TNRC6B: variants seen among roughly 807,000 people sequenced by gnomAD.
TNRC6B encodes the protein trinucleotide repeat-containing gene 6B protein.
A neutral mutation model predicts 203.6 loss-of-function variants in TNRC6B; 52 were observed. That is an observed-to-expected ratio of 0.26 (90% confidence interval 0.20 to 0.32). The LOEUF is 0.32. Among genes scored for constraint, TNRC6B ranks in the 10% least tolerant of loss-of-function variants. The probability of loss-of-function intolerance (pLI) is 1.00; values close to 1 mark genes in which losing one functional copy is unlikely to be tolerated. For synonymous variants in TNRC6B, 838 were observed against 845.7 expected (o/e 0.99, Z 0.16); for missense variants, 1,923 against 2,286.2 (o/e 0.84, Z 3.24).
At chr22:40,268,577 A>G (rs1419624566) in intron 5 of TNRC6B, among the ~76,000 whole-genome samples, 1 of 152,200 alleles carries the variant, frequency 6.6e-6, no homozygotes, top group Non-Finnish European at 1.5e-5. Flanking sequence ...TCCACATAGC[A>G]AAAACCTTCA....
chr22:40,139,140 A>G (rs767133597), intron 3 of TNRC6B, among the ~76,000 whole-genome samples: 17 of 152,024 alleles, frequency 1.1e-4, no homozygotes, highest in Non-Finnish European at 2.2e-4. Flanking sequence ...TAATCTTTCC[A>G]TCTCTACAGA....
intron 1 of TNRC6B, among the ~76,000 whole-genome samples, chr22:40,053,052 C>G (rs764248750): frequency 6.6e-6 from 1 of 151,028 alleles, no homozygotes; most frequent in African/African-American, 2.4e-5. Context: ...CTCTGAATGT[C>G]GATTTGTGCT....
At chr22:40,130,160 G>A (rs1461920826) in intron 3 of TNRC6B, among the ~76,000 whole-genome samples, 1 of 152,158 alleles carries the variant, frequency 6.6e-6, no homozygotes, top group Non-Finnish European at 1.5e-5. Flanking sequence ...TGAGAAAAGA[G>A]GGAAGAAATG....
Position 40,163,480 on chromosome 22 carries a change from A to AAAAAAAAAAC in TNRC6B, c.113+7298_113+7299insAAAAAAAAAC, listed in dbSNP as rs568063097. ...TCAAAAAAAAAAAAAAAAAAAAAAAAGGCCAGGCACGGTGGCTCACGCCTG... is the reference window on the plus strand; with the variant it reads ...TCAAAAAAAAAAAAAAAAAAAAAAAAAAAAAAAAACGGCCAGGCACGGTGGCTCACGCCTG... On this transcript the variant is annotated intron_variant, in intron 4 of 23. Transcript: ENST00000301923. Among the ~76,000 whole-genome samples, 11 of 66,222 alleles carry AAAAAAAAAAC rather than the reference A, an allele frequency of 1.7e-4. 3 individuals carry two copies. The highest frequency in any genetic ancestry group is 1.1e-3 in the East Asian group (3 of 2,766). The allele number at this position is 66,222 out of a possible 152,430, so 43.4% of individuals were successfully genotyped here.
At chr22:40,303,622 A>G (rs934624521) in intron 15 of TNRC6B, among the ~76,000 whole-genome samples, 31 of 152,100 alleles carry the variant, frequency 2.0e-4, no homozygotes, top group Non-Finnish European at 3.4e-4. Flanking sequence ...TTCACTTACA[A>G]TTTTCCTGTC....
chr22:40,125,788 T>G (rs776005677), exon 3 of TNRC6B: 12 of 1,603,594 alleles, frequency 7.5e-6, no homozygotes, highest in Non-Finnish European at 1.0e-5. Context: ...TTTTTGTGTT[T>G]CTGCAGAGTT....
intron 1 of TNRC6B, among the ~76,000 whole-genome samples, chr22:40,227,174 G>A (rs2069800455): frequency 6.9e-6 from 1 of 145,236 alleles, no homozygotes. Flanking sequence ...TCAAACTCCT[G>A]ACCTCAAGTG....
At chr22:40,154,894 T>C (rs1278566996) in intron 3 of TNRC6B, among the ~76,000 whole-genome samples, 29 of 38,188 alleles carry the variant, frequency 7.6e-4, no homozygotes, top group African/African-American at 1.3e-3. Context: ...TATATATATA[T>C]ACATATATAT....
chr22:40,304,102 C>G (rs62239066), intron 15 of TNRC6B, among the ~76,000 whole-genome samples: 1 of 152,148 alleles, frequency 6.6e-6, no homozygotes, highest in Non-Finnish European at 1.5e-5. Context: ...AATGAACAGT[C>G]TTTCAGTTTT....
chr22:40,178,835 T>C (rs1021892850), intron 1 of TNRC6B, among the ~76,000 whole-genome samples: 2 of 152,208 alleles, frequency 1.3e-5, no homozygotes, highest in Non-Finnish European at 2.9e-5. Context: ...GATGCGCTTT[T>C]ATTTTGATCC....
intron 4 of TNRC6B, among the ~76,000 whole-genome samples, chr22:40,165,654 A>C (rs891008958): frequency 1.3e-5 from 2 of 152,214 alleles, no homozygotes; most frequent in Non-Finnish European, 2.9e-5. Flanking sequence ...TCACACATCC[A>C]CATGGCTGAG....
At chr22:40,055,521 T>TA (rs1054286174) in intron 1 of TNRC6B, among the ~76,000 whole-genome samples, 13 of 152,220 alleles carry the variant, frequency 8.5e-5, no homozygotes, top group Non-Finnish European at 5.9e-5. Context: ...CTCAGCCTCT[T>TA]ACTCCACTGC....
Position 40,098,384 on chromosome 22 carries a change from C to CAAAAAAAAA in TNRC6B, c.-120-18654_-120-18646dup, listed in dbSNP as rs1056495905. Among the ~76,000 whole-genome samples the CAAAAAAAAA allele has an allele frequency of 1.4e-4, 7 of 51,488 alleles. 1 individual carries two copies. Among genetic ancestry groups the CAAAAAAAAA allele is most frequent in the African/African-American group, 4.6e-4 (7 of 15,316 alleles). The allele number at this position is 51,488 out of a possible 152,430, so 33.8% of individuals were successfully genotyped here. A position where few individuals can be genotyped will look rare whatever the true frequency, so the allele number is the denominator to read the frequency against. ...TGGGCAACAGAGCGAGACTCCGTCTCAAAAAAAAAAAAAAAAAAAAAAAAA... is the reference window on the plus strand; with the variant it reads ...TGGGCAACAGAGCGAGACTCCGTCTCAAAAAAAAAAAAAAAAAAAAAAAAAAAAAAAAAA... On this transcript the variant is annotated intron_variant, in intron 1 of 23. Transcript: ENST00000301923.
At chr22:40,142,510 T>C (rs1425145722) in intron 3 of TNRC6B, among the ~76,000 whole-genome samples, 1 of 152,114 alleles carries the variant, frequency 6.6e-6, no homozygotes, top group East Asian at 1.9e-4. Flanking sequence ...AAAATAACAA[T>C]AACAATTCTT....
chr22:40,162,441 A>T (rs1479780780), intron 4 of TNRC6B, among the ~76,000 whole-genome samples: 1 of 152,192 alleles, frequency 6.6e-6, no homozygotes, highest in Non-Finnish European at 1.5e-5. Flanking sequence ...ATTAGGCACT[A>T]AACTTTCTGG....
chr22:40,322,733 A>C, intron 22 of TNRC6B, 121 bp from the exon 23 acceptor site: 1 of 1,203,374 alleles, frequency 8.3e-7, no homozygotes. Flanking sequence ...AAAAGCGTTC[A>C]TGGATATGGC....
chr22:40,045,733 G>A (rs1415940822), intron 1 of TNRC6B: 1 of 152,214 alleles, frequency 6.6e-6, no homozygotes, highest in Non-Finnish European at 1.5e-5. Context: ...CCAGACTACC[G>A]GTTTATTCGG....
intron 3 of TNRC6B, among the ~76,000 whole-genome samples, chr22:40,129,675 T>C (rs1011771925): frequency 3.9e-5 from 6 of 152,150 alleles, no homozygotes; most frequent in African/African-American, 1.4e-4. Flanking sequence ...GAGAAAACTT[T>C]CTAGGGGGTG....
intron 1 of TNRC6B, among the ~76,000 whole-genome samples, chr22:40,055,185 C>G (rs2067783079): frequency 6.6e-6 from 1 of 152,092 alleles, no homozygotes; most frequent in Non-Finnish European, 1.5e-5. Context: ...AATGCACAGC[C>G]AGGTGGGTGA....
Sources: allele counts gnomAD v4.1 joint callset (sites outside exome capture counted in the v4.1 genomes callset), GRCh38; gene constraint gnomAD v4.1.1; transcripts MANE v1.5; gene names NCBI Gene and HGNC (gene_info 2026-07-23, HGNC 2026-07-21).